TPCN1: variants seen among roughly 807,000 people sequenced by gnomAD.
TPCN1 encodes the protein two pore segment channel 1.
Under a neutral mutation model 108.8 loss-of-function variants are expected in TPCN1, and 52 were observed. The ratio of observed to expected loss-of-function variants is 0.48; its 90% CI spans 0.38 to 0.60. TPCN1 has a LOEUF of 0.60. Among genes scored for constraint, TPCN1 ranks in the 20% least tolerant of loss-of-function variants. The probability of loss-of-function intolerance (pLI) is 0.00; values close to 1 mark genes in which losing one functional copy is unlikely to be tolerated. For synonymous variants in TPCN1, 446 were observed against 433.7 expected, an observed-to-expected ratio of 1.03 and a Z score of -0.35; for missense variants, 806 against 1,072.8, an observed-to-expected ratio of 0.75 and a Z score of 3.47.
intron 7 of TPCN1, among the ~76,000 whole-genome samples, chr12:113,271,300 A>G (rs1955489925): frequency 6.6e-6 from 1 of 152,118 alleles, no homozygotes; most frequent in African/African-American, 2.4e-5. Context: ...TAATAATAAC[A>G]TGAACACCCA....
At position 113,273,723 on chromosome 12, in the gene TPCN1, A is replaced by C; in HGVS notation, c.942+55A>C. On this transcript the variant is annotated intron_variant, in intron 10 of 27. Transcript: ENST00000335509. This position sits in a 1 kb window ranked among gnomAD's most constrained non-coding sequence, Gnocchi z 4.0. The stretch of plus-strand genomic sequence containing the variant: ...AGCAGCCTGCCCCTACCCATGCAGC[A>C]CTAGGCACTGTGGGAGTGGAGAAGT... The C allele has an allele frequency of 7.3e-7, 1 of 1,377,134 alleles. No individual in the cohort carries two copies. The highest frequency in any genetic ancestry group is 1.0e-6 in the Non-Finnish European group (1 of 966,476). 85.3% of individuals were successfully genotyped at this position (1,377,134 alleles called of 1,614,324 possible). A position where few individuals can be genotyped will look rare whatever the true frequency, so the allele number is the denominator to read the frequency against.
chr12:113,295,648 C>G (rs1219299288), intron 27 of TPCN1, among the ~76,000 whole-genome samples: 1 of 151,904 alleles, frequency 6.6e-6, no homozygotes, highest in African/African-American at 2.4e-5. Flanking sequence ...ACTCGGGGGG[C>G]CCTTTAGTGA....
At chr12:113,275,064 C>T (rs945616693) in intron 10 of TPCN1, among the ~76,000 whole-genome samples, 5 of 152,140 alleles carry the variant, frequency 3.3e-5, no homozygotes, top group East Asian at 1.9e-4. Context: ...GCTGTTAGGC[C>T]GGTGCCCAGA....
chr12:113,287,207 C>A, intron 19 of TPCN1, 113 bp downstream of exon 19: 1 of 827,850 alleles, frequency 1.2e-6, no homozygotes, highest in Non-Finnish European at 2.0e-6. Context: ...AAGCCAGAGT[C>A]ACAGATGTCA....
Position 113,232,276 on chromosome 12 carries a change from A to G in TPCN1, c.112+5312A>G, listed in dbSNP as rs1022085656. 6.6e-6 allele frequency among the ~76,000 whole-genome samples: 1 copy of G among 152,218 alleles called. No homozygotes were observed. Among genetic ancestry groups the G allele is most frequent in the Admixed American group, 6.5e-5 (1 of 15,286 alleles). On this transcript the variant is annotated intron_variant, in intron 2 of 27. Coordinates refer to ENST00000335509, the MANE Select transcript of TPCN1 (RefSeq NM_017901.6). The surrounding 1 kb of genome is among the most constrained non-coding windows in gnomAD (Gnocchi z 5.6). ...TCTGGAGTTCCCTAGGACACAGTGCAGCCTCAGCAATGTGGAGGATCCCTG... is the reference window on the plus strand; with the variant it reads ...TCTGGAGTTCCCTAGGACACAGTGCGGCCTCAGCAATGTGGAGGATCCCTG...
At chr12:113,280,266 G>A in intron 15 of TPCN1, 71 bp downstream of exon 15, 2 of 1,302,406 alleles carry the variant, frequency 1.5e-6, no homozygotes, top group Non-Finnish European at 2.2e-6. Context: ...AGCGGGAGAG[G>A]CAAGAGATTG....
Position 113,248,475 on chromosome 12 carries a change from C to T in TPCN1, c.113-11893C>T, listed in dbSNP as rs948501556. Among the ~76,000 whole-genome samples the T allele has an allele frequency of 1.6e-4, 24 of 152,192 alleles. 1 individual carries two copies. Among genetic ancestry groups the T allele is most frequent in the South Asian group, 1.0e-3 (5 of 4,830 alleles). ...TGACAGCCCCAGGAGGAAGCCTCAG[C>T]GCTTTGAGGGGACGGAGTGATGTGG... On this transcript the variant is annotated intron_variant, in intron 2 of 27. Transcript: ENST00000335509.
intron 3 of TPCN1, among the ~76,000 whole-genome samples, chr12:113,264,584 C>T (rs1483101613): frequency 1.3e-5 from 2 of 151,476 alleles, no homozygotes; most frequent in African/African-American, 4.9e-5. Flanking sequence ...GAGGCTGAGG[C>T]AAGAGAATTG....
At chr12:113,265,365 G>C (rs1258921108) in intron 3 of TPCN1, among the ~76,000 whole-genome samples, 1 of 152,014 alleles carries the variant, frequency 6.6e-6, no homozygotes, top group African/African-American at 2.4e-5. Flanking sequence ...AAGGGTGAAG[G>C]AACCTTCCCA....
In TPCN1 at chr12:113,288,329, T is replaced by A. The variant is rs1956158585; in HGVS notation, c.1706+95T>A. The A allele has an allele frequency of 6.3e-7, 1 of 1,577,320 alleles. No individual in the cohort carries two copies. Among genetic ancestry groups the A allele is most frequent in the Non-Finnish European group, 8.6e-7 (1 of 1,164,878 alleles). On this transcript the variant is annotated intron_variant, in intron 20 of 27. Coordinates refer to ENST00000335509, the MANE Select transcript of TPCN1 (RefSeq NM_017901.6). The surrounding 1 kb of genome is among the most constrained non-coding windows in gnomAD (Gnocchi z 4.8). ...CGAGTGGCAGTCGGGGGAAAGGAGTTCCACAAAGGACTGCAATCGAGGGCC... is the reference window on the plus strand; with the variant it reads ...CGAGTGGCAGTCGGGGGAAAGGAGTACCACAAAGGACTGCAATCGAGGGCC...
chr12:113,292,620 C>T (rs768260899), intron 25 of TPCN1: 30 of 257,962 alleles, frequency 1.2e-4, no homozygotes, highest in Non-Finnish European at 2.0e-4. Flanking sequence ...AAACCCTGTG[C>T]CCACACTTGT....
intron 2 of TPCN1, chr12:113,244,170 C>T (rs948413892): frequency 9.1e-6 from 3 of 329,712 alleles, no homozygotes; most frequent in Admixed American, 6.5e-5. Flanking sequence ...AGAGGAGACA[C>T]AGGGCATTAT....
At chr12:113,238,571 A>G (rs570139424) in intron 2 of TPCN1, among the ~76,000 whole-genome samples, 354 of 152,332 alleles carry the variant, frequency 2.3e-3, no homozygotes, top group Non-Finnish European at 4.5e-3. Flanking sequence ...CTGAGATTAC[A>G]GGCATGAGCC....
chr12:113,264,148 G>A (rs1955154228), intron 3 of TPCN1, among the ~76,000 whole-genome samples: 1 of 152,186 alleles, frequency 6.6e-6, no homozygotes, highest in African/African-American at 2.4e-5. Context: ...CTGTGGTCAT[G>A]GAGGTGGTAG....
At chr12:113,279,384 TATATATA>T (rs1337225293) in intron 14 of TPCN1, among the ~76,000 whole-genome samples, 13 of 40,716 alleles carry the variant, frequency 3.2e-4, no homozygotes, top group African/African-American at 9.2e-4. Flanking sequence ...TATATATATA[TATATATA>T]TTTTTTTTTT....
Position 113,231,915 on chromosome 12 carries a change from G to A in TPCN1, c.112+4951G>A, listed in dbSNP as rs989271246. Among the ~76,000 whole-genome samples, 15 of 152,222 alleles carry A rather than the reference G, an allele frequency of 9.9e-5. No individual in the cohort carries two copies. Among genetic ancestry groups the A allele is most frequent in the African/African-American group, 2.9e-4 (12 of 41,454 alleles). The stretch of plus-strand genomic sequence containing the variant: ...CCACAGTCCACACCGCGTGACAGGC[G>A]GTGGTCTCACCCACCACATTCAGGG... On this transcript the variant is annotated intron_variant, in intron 2 of 27. Transcript: ENST00000335509. The surrounding 1 kb of genome is among the most constrained non-coding windows in gnomAD (Gnocchi z 4.3).
At position 113,242,563 on chromosome 12, in the gene TPCN1, C is replaced by T. The variant is rs140144438; in HGVS notation, c.112+15599C>T. Among the ~76,000 whole-genome samples, 46 of 152,304 alleles carry T rather than the reference C, an allele frequency of 3.0e-4. No individual in the cohort carries two copies. The East Asian group carries it at 3.1e-3, about 10-fold the overall frequency. ...TTAATTAACGTAAAGCCCTTTCAAC[C>T]GTGTCTGGTGTGTGGTAAGTACTGA... On this transcript the variant is annotated intron_variant, in intron 2 of 27. Transcript: ENST00000335509.
intron 1 of TPCN1, among the ~76,000 whole-genome samples, chr12:113,224,542 G>A (rs868614410): frequency 2.0e-5 from 3 of 151,828 alleles, no homozygotes; most frequent in East Asian, 3.9e-4. Flanking sequence ...GACTACAGGC[G>A]TCTGCCACCA....
intron 2 of TPCN1, among the ~76,000 whole-genome samples, chr12:113,251,652 C>A (rs987534321): frequency 1.3e-5 from 2 of 152,254 alleles, no homozygotes; most frequent in African/African-American, 4.8e-5. Flanking sequence ...CGGCGGCCAG[C>A]CCGTGAGGCC....
Sources: gnomAD v4.1 joint callset for allele counts (sites outside exome capture counted in the v4.1 genomes callset) on GRCh38, gnomAD v4.1.1 for gene constraint, Gnocchi (gnomAD v3.1) non-coding constraint, MANE v1.5 for transcripts, NCBI Gene and HGNC (gene_info 2026-07-23, HGNC 2026-07-21) for gene names.